Variants in CNTNAP4 observed in about 807,000 individuals in gnomAD.
CNTNAP4 encodes contactin associated protein family member 4, also known as contactin-associated protein-like 4.
Under a neutral mutation model 148.4 loss-of-function variants are expected in CNTNAP4, and 98 were observed. The observed-to-expected ratio is 0.66, with a 90% CI of 0.56 to 0.78. The LOEUF is 0.78. CNTNAP4 is among the 30% of genes least tolerant of loss of function. The probability of loss-of-function intolerance (pLI) is 0.00; values close to 1 mark genes in which losing one functional copy is unlikely to be tolerated. For synonymous variants in CNTNAP4, 730 were observed against 565.1 expected (o/e 1.29, Z -4.14); for missense variants, 1,935 against 1,565.6 (o/e 1.24, Z -3.98).
intron 13 of CNTNAP4, among the ~76,000 whole-genome samples, chr16:76,493,534 ACATT>A (rs2082298417): frequency 6.6e-6 from 1 of 152,162 alleles, no homozygotes; most frequent in African/African-American, 2.4e-5. Flanking sequence ...ACCTTAAAAA[ACATT>A]CAGTGATTTC....
chr16:76,359,805 C>A (rs1402924507), intron 3 of CNTNAP4, among the ~76,000 whole-genome samples: 1 of 152,160 alleles, frequency 6.6e-6, no homozygotes, highest in Non-Finnish European at 1.5e-5. Flanking sequence ...AGGTTCTCTT[C>A]AGTTTATTGT....
At chr16:76,304,672 C>T (rs771598457) in intron 1 of CNTNAP4, among the ~76,000 whole-genome samples, 2 of 152,136 alleles carry the variant, frequency 1.3e-5, no homozygotes, top group Non-Finnish European at 2.9e-5. Flanking sequence ...TGTGAGGTCT[C>T]ATCACTAAAG....
intron 3 of CNTNAP4, among the ~76,000 whole-genome samples, chr16:76,421,983 A>G (rs1302325660): frequency 6.6e-6 from 1 of 152,154 alleles, no homozygotes; most frequent in Non-Finnish European, 1.5e-5. Flanking sequence ...CTCCCTTTAT[A>G]CTTCTTGGCT....
chr16:76,390,514 A>G (rs1015989100), intron 3 of CNTNAP4, among the ~76,000 whole-genome samples: 3 of 151,760 alleles, frequency 2.0e-5, no homozygotes, highest in African/African-American at 7.3e-5. Context: ...GTTCACAGCC[A>G]GGGAATCTGT....
chr16:76,502,007 T>G (rs1265170314), intron 15 of CNTNAP4, among the ~76,000 whole-genome samples: 1 of 151,130 alleles, frequency 6.6e-6, no homozygotes, highest in African/African-American at 2.4e-5. Flanking sequence ...AGGCGGAGCT[T>G]GCAGTGAGCC....
chr16:76,553,353 G>A lies in CNTNAP4; in HGVS notation c.3513G>A (p.Val1171=), dbSNP rs1418288786. The A allele has an allele frequency of 6.2e-7, 1 of 1,612,912 alleles. No homozygotes were observed. Among genetic ancestry groups the A allele is most frequent in the South Asian group, 1.1e-5 (1 of 90,784 alleles). The change falls in exon 22 of 24, where the codon GTG becomes GTA. Residue 1171 remains valine (V), a synonymous_variant. Coordinates refer to ENST00000611870, the MANE Select transcript of CNTNAP4 (RefSeq NM_033401.5). The stretch of plus-strand genomic sequence containing the variant: ...GCTTCACAGGCTGCCTCTCTGCAGT[G>A]CAGCTCAGCCACGTGGCCCCTCTGA... ...AQGFTGCLSA[V]QLSHVAPLKA...
intron 4 of CNTNAP4, among the ~76,000 whole-genome samples, chr16:76,431,073 G>A (rs752432834): frequency 6.6e-6 from 1 of 152,130 alleles, no homozygotes; most frequent in Non-Finnish European, 1.5e-5. Context: ...AAGGAGTATA[G>A]GGTGTGAGGG....
chr16:76,466,428 G>A (rs965595807), intron 9 of CNTNAP4, among the ~76,000 whole-genome samples: 4 of 152,068 alleles, frequency 2.6e-5, no homozygotes, highest in Non-Finnish European at 5.9e-5. Context: ...TAAAATGAAG[G>A]ATAAATGCTT....
At chr16:76,553,524 C>G in intron 22 of CNTNAP4, 23 bp downstream of exon 22, 1 of 1,535,778 alleles carries the variant, frequency 6.5e-7, no homozygotes, top group Non-Finnish European at 9.0e-7. Context: ...TCTTCCTCTA[C>G]TCAGTCACAG....
chr16:76,392,319 G>A (rs549513713), intron 3 of CNTNAP4, among the ~76,000 whole-genome samples: 1 of 152,200 alleles, frequency 6.6e-6, no homozygotes, highest in Non-Finnish European at 1.5e-5. Context: ...TAAATGGAGA[G>A]TTACGTTAGG....
chr16:76,473,332 T>C lies in CNTNAP4; in HGVS notation c.1656-2607T>C, dbSNP rs576852489. Among the ~76,000 whole-genome samples, 4 of 152,334 alleles carry C rather than the reference T, an allele frequency of 2.6e-5. No homozygotes were observed. In the South Asian group the frequency reaches 8.3e-4, roughly 32 times the overall value. ...GTTTGTAGTGGTCATTCATACACAG[T>C]GAGATTGTCAGTGACATTTCTTTTT... On this transcript the variant is annotated intron_variant, in intron 10 of 23. Transcript: ENST00000611870.
In CNTNAP4 at chr16:76,315,621, G is replaced by A. The variant is rs147328792; in HGVS notation, c.86-792G>A. 1.0e-3 allele frequency among the ~76,000 whole-genome samples: 153 copies of A among 151,792 alleles called. 1 individual carries two copies. Among genetic ancestry groups the A allele is most frequent in the African/African-American group, 3.6e-3 (148 of 41,330 alleles). On this transcript the variant is annotated intron_variant, in intron 1 of 23. Coordinates refer to ENST00000611870, the MANE Select transcript of CNTNAP4 (RefSeq NM_033401.5). ...TGTGAAGTCTGTTTTTTGAGACAGC[G>A]TCTTACTCCGTCACCCAGGCTGGAG...
intron 3 of CNTNAP4, among the ~76,000 whole-genome samples, chr16:76,356,603 C>G (rs2012681179): frequency 6.6e-6 from 1 of 152,132 alleles, no homozygotes; most frequent in African/African-American, 2.4e-5. Context: ...TTGTTTGGAT[C>G]TTATGTGGGC....
rs556685939 is a variant in CNTNAP4, at chr16:76,303,945, T to C, written c.86-12468T>C. ...TCTCTTTCTCTTTGAGGAATAATTCTTATAAGATTTTGTAAGACATATCTA... is the reference window on the plus strand; with the variant it reads ...TCTCTTTCTCTTTGAGGAATAATTCCTATAAGATTTTGTAAGACATATCTA... On this transcript the variant is annotated intron_variant, in intron 1 of 23. Transcript: ENST00000611870. 6.6e-5 allele frequency among the ~76,000 whole-genome samples: 10 copies of C among 152,318 alleles called. No individual in the cohort carries two copies. The South Asian group carries it at 2.1e-3, about 32-fold the overall frequency.
At chr16:76,466,396 A>C (rs1183424111) in intron 9 of CNTNAP4, among the ~76,000 whole-genome samples, 5 of 152,160 alleles carry the variant, frequency 3.3e-5, no homozygotes, top group Non-Finnish European at 7.4e-5. Context: ...AAATAACTAA[A>C]ATAGTTTAAA....
chr16:76,445,116 A>C (rs1261143856), intron 4 of CNTNAP4, among the ~76,000 whole-genome samples: 1 of 152,164 alleles, frequency 6.6e-6, no homozygotes, highest in Non-Finnish European at 1.5e-5. Flanking sequence ...GTGTTCCAAG[A>C]GTAATCCTAG....
At chr16:76,538,386 A>G (rs1362279095) in intron 19 of CNTNAP4, 46 bp downstream of exon 19, 2 of 1,345,170 alleles carry the variant, frequency 1.5e-6, no homozygotes, top group Non-Finnish European at 2.1e-6. Context: ...TTAGAACACT[A>G]GCTCTGTAAT....
intron 3 of CNTNAP4, among the ~76,000 whole-genome samples, chr16:76,403,415 C>T (rs975133468): frequency 7.2e-5 from 11 of 151,992 alleles, no homozygotes; most frequent in Admixed American, 5.9e-4. Flanking sequence ...CTAAAGAAGT[C>T]GTATATATGG....
chr16:76,320,830 G>T (rs550738792), intron 2 of CNTNAP4, among the ~76,000 whole-genome samples: 250 of 152,292 alleles, frequency 1.6e-3, no homozygotes, highest in Non-Finnish European at 3.1e-3. Context: ...GGAAATGAGT[G>T]ATTGCAAATT....
Sources: gnomAD v4.1 joint callset for allele counts (sites outside exome capture counted in the v4.1 genomes callset) on GRCh38, gnomAD v4.1.1 for gene constraint, MANE v1.5 for transcripts, NCBI Gene and HGNC (gene_info 2026-07-23, HGNC 2026-07-21) for gene names.